MACROD2: variants seen among roughly 807,000 people sequenced by gnomAD.
The protein encoded by MACROD2 is ADP-ribose glycohydrolase MACROD2.
A neutral mutation model predicts 70.4 loss-of-function variants in MACROD2; 36 were observed. The ratio of observed to expected loss-of-function variants is 0.51; its 90% CI spans 0.39 to 0.68. The LOEUF (loss-of-function observed/expected upper bound fraction) is 0.68. MACROD2 is among the 30% of genes least tolerant of loss of function. The pLI is 0.00. For synonymous variants in MACROD2, 172 were observed against 178.8 expected, an observed-to-expected ratio of 0.96 and a Z score of 0.30; for missense variants, 496 against 538.4, an observed-to-expected ratio of 0.92 and a Z score of 0.78.
intron 6 of MACROD2, among the ~76,000 whole-genome samples, chr20:15,277,172 T>C (rs932626267): frequency 6.6e-6 from 1 of 152,184 alleles, no homozygotes; most frequent in Non-Finnish European, 1.5e-5. Flanking sequence ...ATGGCTGCCA[T>C]AGTTCCTATC....
chr20:15,386,085 A>T (rs943754947), intron 6 of MACROD2, among the ~76,000 whole-genome samples: 2 of 152,120 alleles, frequency 1.3e-5, no homozygotes, highest in African/African-American at 4.8e-5. Context: ...ACACAAGGAG[A>T]TGACAGCTGT....
chr20:15,482,035 C>A (rs190224900), intron 7 of MACROD2, among the ~76,000 whole-genome samples: 26 of 152,206 alleles, frequency 1.7e-4, no homozygotes, highest in African/African-American at 5.3e-4. Context: ...AATTGTCATA[C>A]CCACACATGC....
In MACROD2 at chr20:14,620,629, T is replaced by G. The variant is rs60973300; in HGVS notation, c.302-64214T>G. ...TTGATTAGTGGTAGGGGTGCTGGTG[T>G]TAGTAAGAGGTCATATTTGGGAACA... On this transcript the variant is annotated intron_variant, in intron 4 of 17. Coordinates refer to ENST00000684519, the MANE Select transcript of MACROD2 (RefSeq NM_001351661.2). 6.7e-3 allele frequency among the ~76,000 whole-genome samples: 1,019 copies of G among 152,198 alleles called. 12 individuals are homozygous for G. Among genetic ancestry groups the G allele is most frequent in the African/African-American group, 0.024 (978 of 41,540 alleles).
chr20:15,281,812 C>T (rs1304842518), intron 6 of MACROD2, among the ~76,000 whole-genome samples: 2 of 152,176 alleles, frequency 1.3e-5, no homozygotes, highest in African/African-American at 4.8e-5. Context: ...TTAGACAGTG[C>T]CCCAGTGGGG....
intron 8 of MACROD2, among the ~76,000 whole-genome samples, chr20:15,721,601 T>C (rs2050788358): frequency 6.6e-6 from 1 of 152,220 alleles, no homozygotes; most frequent in Non-Finnish European, 1.5e-5. Flanking sequence ...AATTTTTTCC[T>C]AAGTTAATGT....
intron 5 of MACROD2, among the ~76,000 whole-genome samples, chr20:15,085,806 C>T (rs1164290321): frequency 2.0e-5 from 3 of 150,372 alleles, no homozygotes; most frequent in Middle Eastern, 3.4e-3. Context: ...TGTATTGAGT[C>T]GATAATATAT....
chr20:15,674,090 T>C (rs1236117529), intron 8 of MACROD2, among the ~76,000 whole-genome samples: 4 of 151,612 alleles, frequency 2.6e-5, no homozygotes, highest in Non-Finnish European at 5.9e-5. Context: ...TAGGATTTGG[T>C]GTTGGGGTGG....
At chr20:14,658,660 C>T (rs1986087096) in intron 4 of MACROD2, among the ~76,000 whole-genome samples, 1 of 152,192 alleles carries the variant, frequency 6.6e-6, no homozygotes, top group Non-Finnish European at 1.5e-5. Context: ...GTCACCCAGG[C>T]TGGAGTGCAG....
At chr20:15,063,373 CTG>C (rs369382910) in intron 5 of MACROD2, among the ~76,000 whole-genome samples, 166 of 152,338 alleles carry the variant, frequency 1.1e-3, no homozygotes, top group African/African-American at 3.7e-3. Context: ...CTACCACACT[CTG>C]TGAGGGTCAT....
At chr20:14,991,545 T>A (rs542057728) in intron 5 of MACROD2, among the ~76,000 whole-genome samples, 1 of 152,326 alleles carries the variant, frequency 6.6e-6, no homozygotes, top group East Asian at 1.9e-4. Context: ...ATGCTCCCAA[T>A]GACTCTGACT....
chr20:15,096,776 T>C (rs2075836159), intron 5 of MACROD2, among the ~76,000 whole-genome samples: 2 of 150,426 alleles, frequency 1.3e-5, no homozygotes, highest in Admixed American at 1.3e-4. Flanking sequence ...CCTCCCAAAG[T>C]GCTGGGATTA....
At chr20:14,864,527 A>G (rs1270254523) in intron 5 of MACROD2, among the ~76,000 whole-genome samples, 2 of 152,098 alleles carry the variant, frequency 1.3e-5, no homozygotes, top group African/African-American at 4.8e-5. Context: ...TCTACTATTA[A>G]ATTTTGCTTT....
At chr20:15,042,565 C>T (rs997922095) in intron 5 of MACROD2, among the ~76,000 whole-genome samples, 4 of 152,190 alleles carry the variant, frequency 2.6e-5, no homozygotes, top group Admixed American at 6.5e-5. Context: ...CTAGGGCCCA[C>T]AGTGAATTAT....
intron 4 of MACROD2, among the ~76,000 whole-genome samples, chr20:14,543,490 A>T (rs530497633): frequency 1.3e-5 from 2 of 152,322 alleles, no homozygotes; most frequent in South Asian, 4.1e-4. Context: ...TTAGGATTTT[A>T]ATGTTTTAAT....
Position 15,678,398 on chromosome 20 carries a change from A to T in MACROD2, c.645+178551A>T, listed in dbSNP as rs555325763. Among the ~76,000 whole-genome samples the T allele has an allele frequency of 6.9e-4, 103 of 149,916 alleles. 2 individuals are homozygous for T. The highest frequency in any genetic ancestry group is 3.4e-3 in the Middle Eastern group (1 of 292). On this transcript the variant is annotated intron_variant, in intron 8 of 17. Transcript: ENST00000684519. ...TTTTTGAGACGGAGTCTCGCTCTGT[A>T]GCCCAGGCTGGAGTGCAGTGGCATG...
chr20:15,088,531 A>G (rs1323916375), intron 5 of MACROD2, among the ~76,000 whole-genome samples: 1 of 149,984 alleles, frequency 6.7e-6, no homozygotes, highest in African/African-American at 2.5e-5. Flanking sequence ...TAATTGTGAA[A>G]AAATTAACTG....
At chr20:15,465,607 A>G (rs558858551) in intron 7 of MACROD2, among the ~76,000 whole-genome samples, 1 of 152,392 alleles carries the variant, frequency 6.6e-6, no homozygotes, top group South Asian at 2.1e-4. Flanking sequence ...ATAGTCCACA[A>G]TCGGGCAGGG....
intron 8 of MACROD2, among the ~76,000 whole-genome samples, chr20:15,766,312 C>G (rs1366807644): frequency 2.6e-5 from 4 of 152,190 alleles, no homozygotes; most frequent in Non-Finnish European, 5.9e-5. Context: ...AACTGATATT[C>G]TAGCTAGAGG....
At chr20:14,102,213 A>G (rs1470552906) in intron 3 of MACROD2, among the ~76,000 whole-genome samples, 1 of 151,766 alleles carries the variant, frequency 6.6e-6, no homozygotes, top group Admixed American at 6.6e-5. Context: ...CATGATAACC[A>G]GGATGGTCTC....
Sources: gnomAD v4.1 joint callset for allele counts (sites outside exome capture counted in the v4.1 genomes callset) on GRCh38, gnomAD v4.1.1 for gene constraint, MANE v1.5 for transcripts, NCBI Gene and HGNC (gene_info 2026-07-23, HGNC 2026-07-21) for gene names.